Variants in CECR2 observed in about 807,000 individuals in gnomAD.
CECR2 encodes the protein chromatin remodeling regulator CECR2.
Under a neutral mutation model 154.5 loss-of-function variants are expected in CECR2, and 30 were observed. The ratio of observed to expected loss-of-function variants is 0.19; its 90% CI spans 0.15 to 0.26. The LOEUF is 0.26. Ranked by LOEUF, CECR2 falls within the 10% of genes least tolerant of loss-of-function variation. The pLI is 1.00. For synonymous variants in CECR2, 725 were observed against 683.7 expected (o/e 1.06, Z -0.94); for missense variants, 1,743 against 1,829.3 (o/e 0.95, Z 0.86).
intron 1 of CECR2, among the ~76,000 whole-genome samples, chr22:17,458,257 A>T (rs5747172): frequency 0.24 from 36,197 of 151,954 alleles, 5,469 homozygotes; most frequent in East Asian, 0.54. Context: ...TCTACTAAAA[A>T]TACAAAAATT....
intron 9 of CECR2, among the ~76,000 whole-genome samples, chr22:17,524,552 C>G (rs950528356): frequency 7.3e-6 from 1 of 136,880 alleles, no homozygotes; most frequent in Non-Finnish European, 1.6e-5. Context: ...ACCACCACGC[C>G]CGGCTAATTT....
At chr22:17,537,326 T>C (rs1601533408) in intron 10 of CECR2, 94 bp downstream of exon 10, 1 of 1,439,986 alleles carries the variant, frequency 6.9e-7, no homozygotes, top group South Asian at 1.2e-5. Flanking sequence ...AGAACAGCCC[T>C]GTTGGGTAAC....
chr22:17,444,804 G>A (rs1468595038), intron 1 of CECR2, among the ~76,000 whole-genome samples: 1 of 152,164 alleles, frequency 6.6e-6, no homozygotes, highest in African/African-American at 2.4e-5. Flanking sequence ...CAAAATCAAA[G>A]GGTTAGTAAA....
At chr22:17,385,949 C>T (rs1042932500) in intron 1 of CECR2, among the ~76,000 whole-genome samples, 4 of 152,268 alleles carry the variant, frequency 2.6e-5, no homozygotes, top group East Asian at 1.9e-4. Flanking sequence ...AAGGTTGCGT[C>T]GCTTAGGATA....
upstream of CECR2, among the ~76,000 whole-genome samples, chr22:17,367,220 G>C (rs2063006835): frequency 6.6e-6 from 1 of 152,022 alleles, no homozygotes; most frequent in Admixed American, 6.6e-5. Flanking sequence ...ACACACTACC[G>C]TACTAAAAGG....
intron 2 of CECR2, among the ~76,000 whole-genome samples, chr22:17,479,759 GTCTT>G (rs1348756475): frequency 3.5e-5 from 5 of 142,498 alleles, no homozygotes; most frequent in East Asian, 2.0e-4. Flanking sequence ...CTACAATGTG[GTCTT>G]TCTTTTTTTT....
intron 1 of CECR2, among the ~76,000 whole-genome samples, chr22:17,375,308 T>C (rs544119820): frequency 6.6e-6 from 1 of 151,322 alleles, no homozygotes; most frequent in Non-Finnish European, 1.5e-5. Flanking sequence ...CAGACGGGGG[T>C]TTCTCGATGT....
intron 5 of CECR2, among the ~76,000 whole-genome samples, chr22:17,501,952 GT>G (rs200839268): frequency 0.046 from 6,975 of 152,138 alleles, 522 homozygotes; most frequent in African/African-American, 0.16. Flanking sequence ...TTAAAATTCA[GT>G]TTCTGGTTCA....
intron 7 of CECR2, among the ~76,000 whole-genome samples, chr22:17,506,871 G>C (rs2055857136): frequency 6.6e-6 from 1 of 152,134 alleles, no homozygotes; most frequent in African/African-American, 2.4e-5. Flanking sequence ...GGCCAGGCTG[G>C]TCTTGACTCC....
In CECR2 at chr22:17,400,858, C is replaced by T. The variant is rs552300171; in HGVS notation, c.126+30949C>T. Among the ~76,000 whole-genome samples, 4 of 152,264 alleles carry T rather than the reference C, an allele frequency of 2.6e-5. No individual in the cohort carries two copies. The East Asian group carries it at 7.7e-4, about 29-fold the overall frequency. On this transcript the variant is annotated intron_variant, in intron 1 of 18. Transcript: ENST00000262608. Reference sequence around the variant, plus strand: ...CTCAACCTCATGGGCTCAAGCAGTCCTCTGGCCTCAGCCTCCTTAGTAGCT... The same window carrying T: ...CTCAACCTCATGGGCTCAAGCAGTCTTCTGGCCTCAGCCTCCTTAGTAGCT...
chr22:17,445,186 G>A (rs1569086472), intron 1 of CECR2, among the ~76,000 whole-genome samples: 1 of 152,062 alleles, frequency 6.6e-6, no homozygotes, highest in Non-Finnish European at 1.5e-5. Context: ...TATGACCTAA[G>A]ATCTATAGGT....
chr22:17,504,401 C>G (rs919249024), intron 6 of CECR2, among the ~76,000 whole-genome samples: 7 of 151,600 alleles, frequency 4.6e-5, no homozygotes, highest in African/African-American at 1.7e-4. Context: ...AGTAATAGGT[C>G]TCTTTTTTGA....
In CECR2 at chr22:17,480,595, A is replaced by G. The variant is rs114368130; in HGVS notation, c.221+2913A>G. ...TTTTTCCCTGAAGGGAATTGCCTAA[A>G]ATGATGGTTCCACATGCGGTTACTG... On this transcript the variant is annotated intron_variant, in intron 2 of 18. Transcript: ENST00000262608. 9.3e-3 allele frequency among the ~76,000 whole-genome samples: 1,417 copies of G among 152,228 alleles called. 26 individuals are homozygous for G. Among genetic ancestry groups the G allele is most frequent in the African/African-American group, 0.033 (1,355 of 41,534 alleles).
At chr22:17,410,705 C>G (rs1231767401) in intron 1 of CECR2, among the ~76,000 whole-genome samples, 1 of 152,178 alleles carries the variant, frequency 6.6e-6, no homozygotes, top group Admixed American at 6.5e-5. Flanking sequence ...GCCTCCCAAA[C>G]TGCTGGGTAA....
At chr22:17,482,114 C>CAAAAAAA (rs2055332738) in intron 2 of CECR2, among the ~76,000 whole-genome samples, 1 of 14,134 alleles carries the variant, frequency 7.1e-5, no homozygotes, top group South Asian at 4.7e-3. Context: ...GACTCTGTCT[C>CAAAAAAA]CAAAAAAAAA....
At chr22:17,477,370 G>C (rs1182582379) in intron 1 of CECR2, among the ~76,000 whole-genome samples, 1 of 152,174 alleles carries the variant, frequency 6.6e-6, no homozygotes, top group East Asian at 1.9e-4. Flanking sequence ...TGGGGTTGGG[G>C]AGGGAGTAGT....
intron 9 of CECR2, among the ~76,000 whole-genome samples, chr22:17,535,624 T>C (rs1428794890): frequency 2.0e-5 from 3 of 151,894 alleles, no homozygotes; most frequent in Non-Finnish European, 4.4e-5. Flanking sequence ...ACAGGTTGGG[T>C]GATACATGCG....
chr22:17,554,663 A>AT lies in CECR2; in HGVS notation c.*1827dup, dbSNP rs1569163557. The AT allele has an allele frequency of 2.0e-5, 3 of 152,080 alleles. No individual in the cohort carries two copies. The highest frequency in any genetic ancestry group is 2.9e-5 in the Non-Finnish European group (2 of 68,014). 9.4% of individuals were successfully genotyped at this position (152,080 alleles called of 1,614,324 possible). A position where few individuals can be genotyped will look rare whatever the true frequency, so the allele number is the denominator to read the frequency against. ...TAAGGTATAATGCACAAAAATACAG[A>AT]TTTTCTCTCAGAGAGGTTTTAATTT... On this transcript the variant is annotated 3_prime_UTR_variant, in exon 19 of 19. Transcript: ENST00000262608.
intron 8 of CECR2, among the ~76,000 whole-genome samples, chr22:17,521,444 G>A (rs1456148566): frequency 1.3e-5 from 2 of 151,878 alleles, no homozygotes; most frequent in Non-Finnish European, 2.9e-5. Flanking sequence ...GGAGGCTGAC[G>A]CAGGAGAATG....
Sources: allele counts gnomAD v4.1 joint callset (sites outside exome capture counted in the v4.1 genomes callset), GRCh38; gene constraint gnomAD v4.1.1; transcripts MANE v1.5; gene names NCBI Gene and HGNC (gene_info 2026-07-23, HGNC 2026-07-21).